PEAK1: variants seen among roughly 807,000 people sequenced by gnomAD.
The protein encoded by PEAK1 is pseudopodium enriched atypical kinase 1.
Under a neutral mutation model 124.7 loss-of-function variants are expected in PEAK1, and 54 were observed. That is an observed-to-expected ratio of 0.43 (90% confidence interval 0.35 to 0.54). The LOEUF (loss-of-function observed/expected upper bound fraction) is 0.54. Ranked by LOEUF, PEAK1 falls within the 20% of genes least tolerant of loss-of-function variation. PEAK1 has a pLI of 0.01. For synonymous variants in PEAK1, 719 were observed against 760.0 expected (o/e 0.95, Z 0.89); for missense variants, 2,046 against 2,134.5 (o/e 0.96, Z 0.82).
chr15:77,339,438 G>A (rs1308229296), intron 2 of PEAK1, among the ~76,000 whole-genome samples: 1 of 152,034 alleles, frequency 6.6e-6, no homozygotes, highest in Non-Finnish European at 1.5e-5. Context: ...ATATCTAATT[G>A]TATGTTCTAA....
chr15:77,294,355 G>A (rs1194962786), intron 2 of PEAK1, among the ~76,000 whole-genome samples: 1 of 152,082 alleles, frequency 6.6e-6, no homozygotes, highest in Non-Finnish European at 1.5e-5. Context: ...AAAATTATAA[G>A]TACTATGCAA....
chr15:77,203,494 T>C (rs1269079351), intron 6 of PEAK1, among the ~76,000 whole-genome samples: 2 of 152,066 alleles, frequency 1.3e-5, no homozygotes, highest in South Asian at 2.1e-4. Flanking sequence ...AAGAGCAAAA[T>C]TGGAGGACTG....
chr15:77,284,355 T>C (rs139110451), intron 4 of PEAK1, among the ~76,000 whole-genome samples: 1 of 152,156 alleles, frequency 6.6e-6, no homozygotes, highest in Admixed American at 6.5e-5. Context: ...AATCTACTGA[T>C]AGGATAACTG....
intron 2 of PEAK1, among the ~76,000 whole-genome samples, chr15:77,321,618 C>T (rs1887020832): frequency 6.6e-6 from 1 of 152,200 alleles, no homozygotes; most frequent in South Asian, 2.1e-4. Context: ...CCTGTTCACT[C>T]TGATGGTAGC....
intron 1 of PEAK1, among the ~76,000 whole-genome samples, chr15:77,395,393 C>G (rs573580289): frequency 2.0e-5 from 3 of 152,034 alleles, no homozygotes; most frequent in Non-Finnish European, 2.9e-5. Flanking sequence ...AAAGTTTATT[C>G]AAAGGGATAA....
intron 1 of PEAK1, among the ~76,000 whole-genome samples, chr15:77,409,106 A>G (rs186882927): frequency 4.6e-5 from 7 of 152,290 alleles, no homozygotes; most frequent in African/African-American, 1.7e-4. Context: ...TAAGAGTGGT[A>G]CCATGGCATC....
At chr15:77,304,932 G>T (rs2064002704) in intron 2 of PEAK1, among the ~76,000 whole-genome samples, 1 of 151,638 alleles carries the variant, frequency 6.6e-6, no homozygotes, top group Admixed American at 6.6e-5. Flanking sequence ...TACTGTAAAG[G>T]GCACAAAGAT....
At chr15:77,396,248 A>G (rs768480437) in intron 1 of PEAK1, among the ~76,000 whole-genome samples, 1 of 152,108 alleles carries the variant, frequency 6.6e-6, no homozygotes, top group Non-Finnish European at 1.5e-5. Flanking sequence ...GCCTCAAACT[A>G]GAAAACATAC....
intron 1 of PEAK1, among the ~76,000 whole-genome samples, 194 bp downstream of exon 1, chr15:77,419,812 C>G (rs2073229132): frequency 6.7e-6 from 1 of 148,294 alleles, no homozygotes; most frequent in South Asian, 2.1e-4. Flanking sequence ...CTAGAGCCCG[C>G]GCCGGGCGGG....
At chr15:77,246,777 T>C (rs1372232572) in intron 6 of PEAK1, among the ~76,000 whole-genome samples, 3 of 152,160 alleles carry the variant, frequency 2.0e-5, no homozygotes, top group African/African-American at 7.2e-5. Context: ...CCCAGCACTT[T>C]GGGAGGCCGA....
chr15:77,262,421 T>G (rs1389996771), intron 5 of PEAK1, among the ~76,000 whole-genome samples: 2 of 139,130 alleles, frequency 1.4e-5, no homozygotes, highest in African/African-American at 5.3e-5. Context: ...GAAGATCTAC[T>G]AAGCAAATGG....
chr15:77,350,902 C>T lies in PEAK1; in HGVS notation c.-603+14261G>A, dbSNP rs971837806. 5.1e-6 allele frequency: 5 copies of T among 985,250 alleles called. No individual in the cohort carries two copies. In the African/African-American group the frequency reaches 7.0e-5, roughly 14 times the overall value. The allele number at this position is 985,250 out of a possible 1,614,324, so 61.0% of individuals were successfully genotyped here. Reference sequence around the variant, plus strand: ...ACCTTGGATACGCAGGCATTTACTACAAACATGGCCCTCTATTTAGAGCAA... The same window carrying T: ...ACCTTGGATACGCAGGCATTTACTATAAACATGGCCCTCTATTTAGAGCAA... On this transcript the variant is annotated intron_variant, in intron 2 of 9. Coordinates refer to ENST00000682557, the MANE Select transcript of PEAK1 (RefSeq NM_001385026.1).
intron 9 of PEAK1, among the ~76,000 whole-genome samples, chr15:77,117,231 A>G (rs2051470371): frequency 6.6e-6 from 1 of 152,228 alleles, no homozygotes; most frequent in African/African-American, 2.4e-5. Flanking sequence ...CTGTTACATT[A>G]TAAAAAATGA....
rs1038381067 is a variant in PEAK1 at position 77,111,885 on chromosome 15, G to C, written c.*2271C>G. The C allele has an allele frequency of 6.6e-6, 1 of 152,274 alleles. No homozygotes were observed. The highest frequency in any genetic ancestry group is 1.5e-5 in the Non-Finnish European group (1 of 68,064). 9.4% of individuals were successfully genotyped at this position (152,274 alleles called of 1,614,324 possible). ...GGTATATCTCAATATGCAAGACATT[G>C]CAAGATGGGAGGTGGGGGAGGTTAA... On this transcript the variant is annotated 3_prime_UTR_variant, in exon 10 of 10. Transcript: ENST00000682557.
chr15:77,147,412 A>G (rs577487535), intron 8 of PEAK1, among the ~76,000 whole-genome samples: 1 of 152,324 alleles, frequency 6.6e-6, no homozygotes, highest in South Asian at 2.1e-4. Flanking sequence ...GATCTTTCTA[A>G]AAAGGAATGT....
chr15:77,146,421 T>G (rs1223303102), intron 8 of PEAK1, among the ~76,000 whole-genome samples: 1 of 152,206 alleles, frequency 6.6e-6, no homozygotes, highest in Non-Finnish European at 1.5e-5. Context: ...AGAATGTCAG[T>G]CGTATAGCAG....
chr15:77,261,728 G>T (rs1453878760), intron 5 of PEAK1, among the ~76,000 whole-genome samples: 1 of 152,116 alleles, frequency 6.6e-6, no homozygotes, highest in Non-Finnish European at 1.5e-5. Context: ...AGCAAGGCAG[G>T]CCAACATTCA....
At chr15:77,229,340 T>C (rs988684255) in intron 6 of PEAK1, among the ~76,000 whole-genome samples, 2 of 152,242 alleles carry the variant, frequency 1.3e-5, no homozygotes, top group African/African-American at 4.8e-5. Flanking sequence ...GGTATGATTT[T>C]GTTTCCAATA....
At chr15:77,391,521 C>T (rs1172521880) in intron 1 of PEAK1, among the ~76,000 whole-genome samples, 2 of 117,038 alleles carry the variant, frequency 1.7e-5, no homozygotes, top group Non-Finnish European at 3.4e-5. Flanking sequence ...ACCAGGGAAA[C>T]ACCAGGCCAG....
Sources: allele counts gnomAD v4.1 joint callset (sites outside exome capture counted in the v4.1 genomes callset), GRCh38; gene constraint gnomAD v4.1.1; transcripts MANE v1.5; gene names NCBI Gene and HGNC (gene_info 2026-07-23, HGNC 2026-07-21).